The following LIN28B variants were observed in gnomAD, a reference collection of about 807,000 sequenced individuals.
LIN28B encodes lin-28 RNA binding posttranscriptional regulator B.
LIN28B carries 5 observed loss-of-function variants against 21.9 expected under a neutral mutation model. The ratio of observed to expected loss-of-function variants is 0.23; its 90% CI spans 0.12 to 0.48. The LOEUF is 0.48. Ranked by LOEUF, LIN28B falls within the 20% of genes least tolerant of loss-of-function variation. The pLI, the probability that LIN28B is intolerant of heterozygous loss-of-function variation, is 0.98. For synonymous variants in LIN28B, 109 were observed against 111.3 expected, an observed-to-expected ratio of 0.98 and a Z score of 0.13; for missense variants, 245 against 310.5, an observed-to-expected ratio of 0.79 and a Z score of 1.58.
chr6:105,033,917 T>TA (rs1346227216), intron 3 of LIN28B, among the ~76,000 whole-genome samples: 1 of 151,590 alleles, frequency 6.6e-6, no homozygotes, highest in Non-Finnish European at 1.5e-5. Flanking sequence ...TGTCAGCCTG[T>TA]AGTACATAAT....
At chr6:105,014,703 C>T (rs1346552853) in intron 2 of LIN28B, among the ~76,000 whole-genome samples, 2 of 152,166 alleles carry the variant, frequency 1.3e-5, no homozygotes, top group Non-Finnish European at 2.9e-5. Context: ...GTCTTCCTGC[C>T]TGGGCTTCCC....
At chr6:104,966,196 C>A (rs1462061644) in intron 2 of LIN28B, among the ~76,000 whole-genome samples, 7 of 152,050 alleles carry the variant, frequency 4.6e-5, no homozygotes, top group Admixed American at 2.0e-4. Flanking sequence ...AGAAAAAAAA[C>A]CATGGGAATG....
At chr6:104,994,694 C>T (rs1189035829) in intron 2 of LIN28B, among the ~76,000 whole-genome samples, 1 of 152,108 alleles carries the variant, frequency 6.6e-6, no homozygotes, top group Non-Finnish European at 1.5e-5. Flanking sequence ...ACAGAGAAGG[C>T]ATTACATTCA....
intron 2 of LIN28B, among the ~76,000 whole-genome samples, chr6:104,947,691 G>A (rs1778172176): frequency 6.7e-6 from 1 of 149,692 alleles, no homozygotes; most frequent in Admixed American, 6.7e-5. Flanking sequence ...TGTAATATAT[G>A]TATTTTATAT....
intron 2 of LIN28B, among the ~76,000 whole-genome samples, chr6:104,972,441 A>G (rs183374062): frequency 6.6e-6 from 1 of 152,346 alleles, no homozygotes; most frequent in Non-Finnish European, 1.5e-5. Flanking sequence ...TTTCCCCTTT[A>G]TACCTGTTTT....
At chr6:105,020,530 G>T (rs1771117738) in intron 2 of LIN28B, among the ~76,000 whole-genome samples, 1 of 151,756 alleles carries the variant, frequency 6.6e-6, no homozygotes, top group Non-Finnish European at 1.5e-5. Context: ...TGTTGCACAG[G>T]CTGGCCTAGA....
chr6:104,946,954 A>G (rs1023188497), intron 2 of LIN28B, among the ~76,000 whole-genome samples: 5 of 152,190 alleles, frequency 3.3e-5, no homozygotes, highest in African/African-American at 1.2e-4. Flanking sequence ...GGTGAATACT[A>G]TTCCTGATTG....
chr6:105,067,847 C>T (rs1263798812), intron 3 of LIN28B, among the ~76,000 whole-genome samples: 4 of 151,994 alleles, frequency 2.6e-5, no homozygotes, highest in African/African-American at 7.2e-5. Context: ...GATTGAAGTA[C>T]CCTTATATGA....
chr6:104,946,065 C>T (rs1250699080), intron 2 of LIN28B, among the ~76,000 whole-genome samples: 1 of 151,788 alleles, frequency 6.6e-6, no homozygotes, highest in Non-Finnish European at 1.5e-5. Context: ...TTGAGTGTTT[C>T]ATATGATATA....
intron 2 of LIN28B, among the ~76,000 whole-genome samples, chr6:104,946,920 T>C (rs146914617): frequency 6.6e-6 from 1 of 152,314 alleles, no homozygotes; most frequent in African/African-American, 2.4e-5. Flanking sequence ...TGAGAATAAG[T>C]AATGAAATAA....
At chr6:104,982,439 T>C (rs1337819944) in intron 2 of LIN28B, among the ~76,000 whole-genome samples, 1 of 152,250 alleles carries the variant, frequency 6.6e-6, no homozygotes. Context: ...ACATTAGTTA[T>C]TGTAAATTCC....
chr6:104,967,674 AATTATT>A (rs199904941), intron 2 of LIN28B, among the ~76,000 whole-genome samples: 3 of 148,480 alleles, frequency 2.0e-5, no homozygotes, highest in African/African-American at 4.9e-5. Flanking sequence ...TTATTTAATT[AATTATT>A]ATTATTATTA....
chr6:105,076,102 A>C (rs2114423400), intron 3 of LIN28B, among the ~76,000 whole-genome samples: 1 of 152,294 alleles, frequency 6.6e-6, no homozygotes. Context: ...TAGCAAGTAA[A>C]CTTTATTATT....
intron 2 of LIN28B, among the ~76,000 whole-genome samples, chr6:104,977,731 C>G (rs1463492963): frequency 6.6e-6 from 1 of 152,100 alleles, no homozygotes; most frequent in Non-Finnish European, 1.5e-5. Context: ...CCATGCCTGG[C>G]TAATTTTTGT....
intron 2 of LIN28B, among the ~76,000 whole-genome samples, chr6:104,949,964 T>G (rs1778201438): frequency 6.6e-6 from 1 of 152,194 alleles, no homozygotes; most frequent in Non-Finnish European, 1.5e-5. Flanking sequence ...AATGTAATTT[T>G]TCATTCACTT....
chr6:105,016,262 C>G (rs1420249723), intron 2 of LIN28B, among the ~76,000 whole-genome samples: 1 of 151,998 alleles, frequency 6.6e-6, no homozygotes, highest in African/African-American at 2.4e-5. Flanking sequence ...ACAAAATACT[C>G]TATCATAAAA....
At chr6:105,014,343 G>C (rs886727051) in intron 2 of LIN28B, among the ~76,000 whole-genome samples, 5 of 152,092 alleles carry the variant, frequency 3.3e-5, no homozygotes, top group African/African-American at 1.2e-4. Context: ...TTTTGAGACG[G>C]AGTTTCACTC....
rs1421722004 is a variant in LIN28B, at chr6:105,078,969, GT to G, written c.*188del. 1 of 620,214 alleles carries G rather than the reference GT, an allele frequency of 1.6e-6. No individual in the cohort carries two copies. The highest frequency in any genetic ancestry group is 2.7e-6 in the Non-Finnish European group (1 of 365,146). 38.4% of individuals were successfully genotyped at this position (620,214 alleles called of 1,614,324 possible). On this transcript the variant is annotated 3_prime_UTR_variant, in exon 4 of 4. Transcript: ENST00000345080. ...ATTTGAGCAGGGTGTCATGTTTTAT[GT>G]TAATTCAGAGAATAAGATACTATGT... is the stretch of plus-strand genomic sequence containing the variant.
intron 2 of LIN28B, among the ~76,000 whole-genome samples, chr6:104,980,647 A>C (rs1770200333): frequency 6.6e-6 from 1 of 152,218 alleles, no homozygotes; most frequent in Admixed American, 6.5e-5. Context: ...GAAAGGAAAC[A>C]GCCTTTATGC....
Sources: allele counts gnomAD v4.1 joint callset (sites outside exome capture counted in the v4.1 genomes callset), GRCh38; gene constraint gnomAD v4.1.1; transcripts MANE v1.5; gene names NCBI Gene and HGNC (gene_info 2026-07-23, HGNC 2026-07-21).